Variants in PTPRT observed in about 807,000 individuals in gnomAD.
The protein encoded by PTPRT is protein tyrosine phosphatase receptor type T.
A neutral mutation model predicts 176.8 loss-of-function variants in PTPRT; 56 were observed. That is an observed-to-expected ratio of 0.32 (90% CI 0.26 to 0.40). The LOEUF is 0.40. PTPRT is among the 10% of genes least tolerant of loss of function. PTPRT has a pLI of 1.00. For missense variants in PTPRT, 1,540 were observed against 1,908.2 expected (o/e 0.81, Z 3.60); for synonymous variants, 783 against 739.0 (o/e 1.06, Z -0.96).
At chr20:42,422,360 G>C (rs186052370) in intron 9 of PTPRT, among the ~76,000 whole-genome samples, 16 of 151,702 alleles carry the variant, frequency 1.1e-4, no homozygotes, top group African/African-American at 3.9e-4. Flanking sequence ...ATTTACAAGA[G>C]AAAAAAAACC....
At chr20:42,535,804 G>A (rs927064552) in intron 7 of PTPRT, among the ~76,000 whole-genome samples, 3 of 152,154 alleles carry the variant, frequency 2.0e-5, no homozygotes, top group Non-Finnish European at 2.9e-5. Context: ...AGTTTGAAGC[G>A]GGCTTGGTTC....
rs1004244885 is a variant in PTPRT at position 42,203,098 on chromosome 20, T to C, written c.2343-3710A>G. Among the ~76,000 whole-genome samples, 58 of 152,294 alleles carry C rather than the reference T, an allele frequency of 3.8e-4. 1 individual carries two copies. The highest frequency in any genetic ancestry group is 1.3e-3 in the African/African-American group (56 of 41,554). ...TTTTCATGGTGATAATAATGTTATA[T>C]AATCATTTTAATGTATGGATAGATG... On this transcript the variant is annotated intron_variant, in intron 15 of 30. Transcript: ENST00000373187.
At chr20:42,131,257 C>T (rs1038950784) in intron 18 of PTPRT, among the ~76,000 whole-genome samples, 2 of 152,198 alleles carry the variant, frequency 1.3e-5, no homozygotes, top group Admixed American at 6.5e-5. Flanking sequence ...CAGACAAAGC[C>T]TGGCACCTGA....
At chr20:42,840,022 G>A (rs1356544209) in intron 2 of PTPRT, among the ~76,000 whole-genome samples, 2 of 152,156 alleles carry the variant, frequency 1.3e-5, no homozygotes, top group African/African-American at 4.8e-5. Flanking sequence ...ACCACAAACT[G>A]GGTGACTTAA....
intron 9 of PTPRT, among the ~76,000 whole-genome samples, chr20:42,355,655 G>C (rs2058349031): frequency 6.6e-6 from 1 of 152,166 alleles, no homozygotes; most frequent in South Asian, 2.1e-4. Context: ...GGTTTCCACT[G>C]TGGCAGAAAA....
chr20:42,678,259 C>A (rs578256159), intron 6 of PTPRT, 100 bp from the exon 7 acceptor site: 3 of 1,149,278 alleles, frequency 2.6e-6, no homozygotes, highest in African/African-American at 1.6e-5. Flanking sequence ...GATGTAGCCA[C>A]AAAAAAAATA....
intron 7 of PTPRT, among the ~76,000 whole-genome samples, chr20:42,670,017 T>C (rs1283103757): frequency 6.6e-6 from 1 of 152,088 alleles, no homozygotes; most frequent in African/African-American, 2.4e-5. Context: ...CAGCTACACG[T>C]CGAGGACTCC....
chr20:43,122,883 C>T (rs887317054), intron 1 of PTPRT, among the ~76,000 whole-genome samples: 4 of 152,082 alleles, frequency 2.6e-5, no homozygotes, highest in South Asian at 2.1e-4. Flanking sequence ...GATGGAGTTT[C>T]GGTCTTGTTG....
intron 7 of PTPRT, among the ~76,000 whole-genome samples, chr20:42,524,687 T>G (rs1020927022): frequency 1.3e-5 from 2 of 152,216 alleles, no homozygotes; most frequent in African/African-American, 4.8e-5. Flanking sequence ...TAGAAAGTAC[T>G]TGGTCATCTC....
At chr20:42,263,962 A>G (rs994517255) in intron 13 of PTPRT, among the ~76,000 whole-genome samples, 14 of 152,156 alleles carry the variant, frequency 9.2e-5, no homozygotes, top group African/African-American at 3.4e-4. Context: ...CATGAGTTGT[A>G]GCAGTGAGCA....
chr20:43,033,423 C>T (rs1371366647), intron 1 of PTPRT, among the ~76,000 whole-genome samples: 3 of 152,154 alleles, frequency 2.0e-5, no homozygotes, highest in Admixed American at 6.5e-5. Context: ...CTCTCCACCA[C>T]CAGGACCCAT....
At chr20:42,189,870 C>G (rs1293873567) in intron 16 of PTPRT, among the ~76,000 whole-genome samples, 1 of 152,088 alleles carries the variant, frequency 6.6e-6, no homozygotes, top group Non-Finnish European at 1.5e-5. Flanking sequence ...ACTATTATAT[C>G]TTTTTTGAGT....
At chr20:42,730,116 CAA>C (rs2076438278) in intron 6 of PTPRT, among the ~76,000 whole-genome samples, 1 of 152,116 alleles carries the variant, frequency 6.6e-6, no homozygotes, top group Non-Finnish European at 1.5e-5. Context: ...TTAATGTTGA[CAA>C]AGAGAAAACC....
chr20:42,219,775 C>G (rs976547578), intron 15 of PTPRT, among the ~76,000 whole-genome samples: 1 of 152,206 alleles, frequency 6.6e-6, no homozygotes, highest in Non-Finnish European at 1.5e-5. Flanking sequence ...AAACCCGGGG[C>G]TGCCTGAGGC....
intron 6 of PTPRT, among the ~76,000 whole-genome samples, chr20:42,696,276 C>A (rs1600625445): frequency 6.6e-6 from 1 of 150,740 alleles, no homozygotes; most frequent in African/African-American, 2.4e-5. Flanking sequence ...CCTCCTCCCT[C>A]TTCTCTCCCT....
At chr20:42,319,922 G>T (rs978049362) in intron 11 of PTPRT, among the ~76,000 whole-genome samples, 3 of 152,026 alleles carry the variant, frequency 2.0e-5, no homozygotes, top group African/African-American at 4.8e-5. Context: ...TAAAGAGAAA[G>T]GATTTTTTTA....
At chr20:42,956,149 C>A (rs553058739) in intron 1 of PTPRT, among the ~76,000 whole-genome samples, 2 of 152,118 alleles carry the variant, frequency 1.3e-5, no homozygotes, top group Admixed American at 1.3e-4. Flanking sequence ...GATCCTACCC[C>A]GTAGTATGGG....
At chr20:42,629,048 T>C (rs1187391110) in intron 7 of PTPRT, among the ~76,000 whole-genome samples, 3 of 152,164 alleles carry the variant, frequency 2.0e-5, no homozygotes, top group Non-Finnish European at 4.4e-5. Context: ...GTGAGTTTTG[T>C]CTACATGACT....
intron 1 of PTPRT, among the ~76,000 whole-genome samples, chr20:43,111,636 C>G (rs923900895): frequency 6.7e-6 from 1 of 149,920 alleles, no homozygotes; most frequent in Non-Finnish European, 1.5e-5. Flanking sequence ...GTTCTAGGTT[C>G]TGTTTTAAAG....
Sources: allele counts gnomAD v4.1 joint callset (sites outside exome capture counted in the v4.1 genomes callset), GRCh38; gene constraint gnomAD v4.1.1; transcripts MANE v1.5; gene names NCBI Gene and HGNC (gene_info 2026-07-23, HGNC 2026-07-21).